ZNF521: variants seen among roughly 807,000 people sequenced by gnomAD.
The protein encoded by ZNF521 is zinc finger protein 521.
ZNF521 carries 14 observed loss-of-function variants against 105.5 expected under a neutral mutation model. The observed-to-expected ratio is 0.13, with a 90% CI of 0.09 to 0.21. The LOEUF (loss-of-function observed/expected upper bound fraction) is 0.21. Among genes scored for constraint, ZNF521 ranks in the 10% least tolerant of loss-of-function variants. The pLI is 1.00. For synonymous variants in ZNF521, 635 were observed against 606.0 expected, an observed-to-expected ratio of 1.05 and a Z score of -0.70; for missense variants, 1,233 against 1,629.7, an observed-to-expected ratio of 0.76 and a Z score of 4.19.
At chr18:25,304,785 T>C (rs916438456) in intron 3 of ZNF521, among the ~76,000 whole-genome samples, 15 of 152,220 alleles carry the variant, frequency 9.9e-5, no homozygotes, top group African/African-American at 3.1e-4. Context: ...TCACAGAATT[T>C]ACCATCCATA....
rs570021791 is a variant in ZNF521, at chr18:25,213,991, T to C, written c.3573+10354A>G. Among the ~76,000 whole-genome samples the C allele has an allele frequency of 5.5e-4, 84 of 152,256 alleles. 1 individual carries two copies. In the South Asian group the frequency reaches 0.017, roughly 32 times the overall value. ...ATTTTAATTGGGAAATAACTTTACA[T>C]ATAGTAAACTGTAGTAATCTTAAGT... On this transcript the variant is annotated intron_variant, in intron 4 of 7. Transcript: ENST00000361524.
chr18:25,165,055 C>T (rs2035314177), intron 5 of ZNF521, among the ~76,000 whole-genome samples: 1 of 152,184 alleles, frequency 6.6e-6, no homozygotes, highest in Non-Finnish European at 1.5e-5. Flanking sequence ...CACTTTCAAA[C>T]ATGCATTTTA....
intron 5 of ZNF521, among the ~76,000 whole-genome samples, chr18:25,164,956 T>C (rs1891212499): frequency 6.6e-6 from 1 of 152,214 alleles, no homozygotes; most frequent in Non-Finnish European, 1.5e-5. Flanking sequence ...GAGATAATAA[T>C]GAACACCGAT....
At chr18:25,096,706 G>T (rs1406864864) in intron 5 of ZNF521, among the ~76,000 whole-genome samples, 1 of 152,084 alleles carries the variant, frequency 6.6e-6, no homozygotes, top group South Asian at 2.1e-4. Context: ...CATTACTGAG[G>T]GCCAATTTGT....
intron 2 of ZNF521, among the ~76,000 whole-genome samples, chr18:25,323,428 A>G (rs988171626): frequency 3.3e-5 from 5 of 151,974 alleles, no homozygotes; most frequent in Non-Finnish European, 5.9e-5. Context: ...AATATATTCA[A>G]TGTTTTTAAT....
chr18:25,220,608 T>C (rs1245578494), intron 4 of ZNF521, among the ~76,000 whole-genome samples: 2 of 152,166 alleles, frequency 1.3e-5, no homozygotes, highest in Non-Finnish European at 2.9e-5. Flanking sequence ...TCTACACTGT[T>C]CCTTCTATTT....
At chr18:25,113,248 A>T (rs1600047411) in intron 5 of ZNF521, among the ~76,000 whole-genome samples, 1 of 151,944 alleles carries the variant, frequency 6.6e-6, no homozygotes, top group African/African-American at 2.4e-5. Flanking sequence ...CAGCAGGTCC[A>T]CCAGGGAGCC....
chr18:25,260,736 T>C (rs1037238549), intron 3 of ZNF521, among the ~76,000 whole-genome samples: 1 of 152,164 alleles, frequency 6.6e-6, no homozygotes, highest in Non-Finnish European at 1.5e-5. Context: ...TTGAACTCTG[T>C]GGTGCTCAGA....
intron 3 of ZNF521, among the ~76,000 whole-genome samples, chr18:25,283,926 C>CA (rs1303545978): frequency 7.2e-6 from 1 of 139,818 alleles, no homozygotes; most frequent in Non-Finnish European, 1.6e-5. Flanking sequence ...ATACTTTCCC[C>CA]CCCCCCCAAA....
In ZNF521 at chr18:25,127,134, G is replaced by A. The variant is rs116166118; in HGVS notation, c.3659-35053C>T. 7.5e-3 allele frequency among the ~76,000 whole-genome samples: 1,140 copies of A among 152,168 alleles called. 8 individuals carry two copies. The highest frequency in any genetic ancestry group is 0.023 in the African/African-American group (970 of 41,542). ...TTGAGGGAGGAAATATGATGTGGAA[G>A]CTGTTTGGGGGAAGTGAAATAATCA... On this transcript the variant is annotated intron_variant, in intron 5 of 7. Coordinates refer to ENST00000361524, the MANE Select transcript of ZNF521 (RefSeq NM_015461.3).
At chr18:25,308,374 T>C (rs2145096915) in intron 3 of ZNF521, among the ~76,000 whole-genome samples, 1 of 152,292 alleles carries the variant, frequency 6.6e-6, no homozygotes, top group East Asian at 1.9e-4. Flanking sequence ...TACATGGCTG[T>C]TGTTTTTATA....
chr18:25,118,504 C>T (rs2034372352), intron 5 of ZNF521, among the ~76,000 whole-genome samples: 1 of 151,714 alleles, frequency 6.6e-6, no homozygotes, highest in Non-Finnish European at 1.5e-5. Context: ...AAATCTATAT[C>T]ACAGATTGAC....
chr18:25,301,467 C>T (rs1184362418), intron 3 of ZNF521, among the ~76,000 whole-genome samples: 1 of 152,202 alleles, frequency 6.6e-6, no homozygotes, highest in Non-Finnish European at 1.5e-5. Context: ...GACCTGGCAG[C>T]AGCTAATCAT....
chr18:25,240,116 A>T (rs1907206959), intron 3 of ZNF521, among the ~76,000 whole-genome samples: 1 of 151,982 alleles, frequency 6.6e-6, no homozygotes, highest in African/African-American at 2.4e-5. Context: ...CCTCTTCTGC[A>T]CTCCGTTTTG....
intron 3 of ZNF521, among the ~76,000 whole-genome samples, chr18:25,284,901 TGCGC>T (rs34702394): frequency 6.8e-6 from 1 of 146,210 alleles, no homozygotes; most frequent in Non-Finnish European, 1.5e-5. Context: ...CTCATGTGCG[TGCGC>T]GCGCGCACAC....
At chr18:25,160,626 G>A (rs1043975527) in intron 5 of ZNF521, among the ~76,000 whole-genome samples, 2 of 152,140 alleles carry the variant, frequency 1.3e-5, no homozygotes, top group East Asian at 1.9e-4. Flanking sequence ...ATAAGTTCGC[G>A]CATATGTGTT....
intron 4 of ZNF521, among the ~76,000 whole-genome samples, chr18:25,212,281 G>C (rs1306284449): frequency 2.0e-5 from 3 of 151,454 alleles, no homozygotes; most frequent in African/African-American, 4.9e-5. Context: ...GGAGGCCAAG[G>C]TGGGCAGATC....
intron 3 of ZNF521, among the ~76,000 whole-genome samples, chr18:25,286,213 C>T (rs1192817422): frequency 6.6e-6 from 1 of 151,826 alleles, no homozygotes; most frequent in East Asian, 1.9e-4. Context: ...ATGAGAGAGT[C>T]GATAAGGGGA....
intron 5 of ZNF521, among the ~76,000 whole-genome samples, chr18:25,159,246 T>G (rs989338737): frequency 6.6e-6 from 1 of 152,196 alleles, no homozygotes; most frequent in Non-Finnish European, 1.5e-5. Flanking sequence ...TGGGGTGTAT[T>G]CTACAAAGTG....
Sources: gnomAD v4.1 joint callset for allele counts (sites outside exome capture counted in the v4.1 genomes callset) on GRCh38, gnomAD v4.1.1 for gene constraint, MANE v1.5 for transcripts, NCBI Gene and HGNC (gene_info 2026-07-23, HGNC 2026-07-21) for gene names.